RTN4IP1: variants seen among roughly 807,000 people sequenced by gnomAD.
RTN4IP1 encodes the protein NAD(P)H oxidoreductase RTN4IP1, mitochondrial.
RTN4IP1 carries 32 observed loss-of-function variants against 46.6 expected under a neutral mutation model. The observed-to-expected ratio is 0.69, with a 90% confidence interval of 0.52 to 0.92. The LOEUF (loss-of-function observed/expected upper bound fraction) is 0.92, where lower values mean the gene tolerates loss of function less well. Ranked by LOEUF, RTN4IP1 falls within the 40% of genes least tolerant of loss-of-function variation. The probability of loss-of-function intolerance (pLI) is 0.00; values close to 1 mark genes in which losing one functional copy is unlikely to be tolerated. For synonymous variants in RTN4IP1, 167 were observed against 161.8 expected (o/e 1.03, Z -0.24); for missense variants, 424 against 485.8 (o/e 0.87, Z 1.20).
chr6:106,576,333 C>A (rs780449775), intron 8 of RTN4IP1, among the ~76,000 whole-genome samples: 4 of 152,102 alleles, frequency 2.6e-5, no homozygotes, highest in Non-Finnish European at 5.9e-5. Flanking sequence ...CTAGGTACCC[C>A]TAAAAAATGC....
At chr6:106,617,874 T>C (rs1360966165) in intron 4 of RTN4IP1, among the ~76,000 whole-genome samples, 2 of 152,138 alleles carry the variant, frequency 1.3e-5, no homozygotes, top group African/African-American at 4.8e-5. Context: ...ATAAAACCAA[T>C]GCTGTTGCAG....
intron 8 of RTN4IP1, among the ~76,000 whole-genome samples, chr6:106,576,011 T>C (rs1329189981): frequency 6.6e-6 from 1 of 152,188 alleles, no homozygotes; most frequent in Admixed American, 6.5e-5. Flanking sequence ...CACACACCTG[T>C]GGACAGGCAC....
At chr6:106,580,354 A>G (rs1323625526) in intron 8 of RTN4IP1, among the ~76,000 whole-genome samples, 2 of 152,132 alleles carry the variant, frequency 1.3e-5, no homozygotes, top group East Asian at 3.9e-4. Flanking sequence ...GAAGGGGCCT[A>G]GAAGGTAGGC....
At chr6:106,596,324 C>T (rs986588745) in intron 5 of RTN4IP1, among the ~76,000 whole-genome samples, 4 of 152,058 alleles carry the variant, frequency 2.6e-5, no homozygotes, top group African/African-American at 9.7e-5. Flanking sequence ...TTTGAGACTA[C>T]AAAATCCCAG....
intron 1 of RTN4IP1, among the ~76,000 whole-genome samples, chr6:106,627,261 A>C (rs1236567103): frequency 6.6e-6 from 1 of 152,256 alleles, no homozygotes; most frequent in Non-Finnish European, 1.5e-5. Context: ...ATTAAACAGC[A>C]GCCAAGAAAA....
chr6:106,578,325 CA>C (rs1775277757), intron 8 of RTN4IP1, among the ~76,000 whole-genome samples: 3 of 152,194 alleles, frequency 2.0e-5, no homozygotes, highest in African/African-American at 7.2e-5. Context: ...TCTGTCCCTT[CA>C]AATGTGACAT....
intron 4 of RTN4IP1, among the ~76,000 whole-genome samples, chr6:106,608,982 T>C (rs1282133087): frequency 6.6e-6 from 1 of 152,208 alleles, no homozygotes; most frequent in East Asian, 1.9e-4. Context: ...TGAGACTCTG[T>C]TCCCCTAATT....
chr6:106,601,684 T>C (rs9372137), intron 5 of RTN4IP1, among the ~76,000 whole-genome samples: 141,351 of 152,256 alleles, frequency 0.93, 66,160 homozygotes, highest in Non-Finnish European at 1. Context: ...GATCTAGGCT[T>C]ACTGAAACCT....
At chr6:106,582,796 G>T (rs1332926888) in intron 8 of RTN4IP1, among the ~76,000 whole-genome samples, 2 of 152,082 alleles carry the variant, frequency 1.3e-5, no homozygotes, top group Non-Finnish European at 2.9e-5. Context: ...ATAAGCAACA[G>T]CCCCTTTCCC....
upstream of RTN4IP1, chr6:106,629,809 C>T: frequency 7.2e-7 from 1 of 1,393,358 alleles, no homozygotes; most frequent in Non-Finnish European, 9.9e-7. Flanking sequence ...GCCCACCTCG[C>T]TGCTTCCTCT....
At chr6:106,581,288 A>G (rs187877505) in intron 8 of RTN4IP1, among the ~76,000 whole-genome samples, 23 of 152,358 alleles carry the variant, frequency 1.5e-4, no homozygotes, top group African/African-American at 5.1e-4. Flanking sequence ...TTCACGATCA[A>G]AAAACAACTG....
intron 8 of RTN4IP1, among the ~76,000 whole-genome samples, chr6:106,576,833 G>A (rs1012947205): frequency 7.2e-5 from 11 of 152,202 alleles, no homozygotes; most frequent in Non-Finnish European, 1.6e-4. Context: ...CTCTATCACT[G>A]CACAAAGTTC....
At chr6:106,611,482 A>C (rs1306890517) in intron 4 of RTN4IP1, among the ~76,000 whole-genome samples, 2 of 152,204 alleles carry the variant, frequency 1.3e-5, no homozygotes. Flanking sequence ...AGTAGAAACA[A>C]ATGGTTTTAA....
At chr6:106,609,803 C>T (rs1776179324) in intron 4 of RTN4IP1, among the ~76,000 whole-genome samples, 1 of 152,180 alleles carries the variant, frequency 6.6e-6, no homozygotes, top group Non-Finnish European at 1.5e-5. Flanking sequence ...AACTTCATTC[C>T]CTCAAATAAA....
At chr6:106,606,044 T>C (rs1776065079) in intron 4 of RTN4IP1, among the ~76,000 whole-genome samples, 1 of 152,060 alleles carries the variant, frequency 6.6e-6, no homozygotes, top group Non-Finnish European at 1.5e-5. Flanking sequence ...GACATGATCT[T>C]ACATATAGAA....
intron 4 of RTN4IP1, among the ~76,000 whole-genome samples, chr6:106,606,160 G>A (rs1404645114): frequency 2.0e-5 from 3 of 152,208 alleles, no homozygotes; most frequent in African/African-American, 4.8e-5. Context: ...AGTGGCTCAC[G>A]CCTGTAATCC....
At chr6:106,598,921 T>TTA (rs1171918417) in intron 5 of RTN4IP1, among the ~76,000 whole-genome samples, 1 of 152,052 alleles carries the variant, frequency 6.6e-6, no homozygotes, top group African/African-American at 2.4e-5. Context: ...TTAAGGAGCA[T>TTA]TATGTGTTGT....
chr6:106,617,030 G>C (rs1776373950), intron 4 of RTN4IP1, among the ~76,000 whole-genome samples: 1 of 152,158 alleles, frequency 6.6e-6, no homozygotes, highest in Admixed American at 6.5e-5. Flanking sequence ...AGAGACCCCA[G>C]AGATATCCTC....
intron 4 of RTN4IP1, among the ~76,000 whole-genome samples, chr6:106,617,167 T>G (rs1776376975): frequency 1.3e-5 from 2 of 152,134 alleles, no homozygotes; most frequent in South Asian, 4.1e-4. Flanking sequence ...CTGTGAGAAA[T>G]AAATTTCTCT....
Sources: gnomAD v4.1 joint callset for allele counts (sites outside exome capture counted in the v4.1 genomes callset) on GRCh38, gnomAD v4.1.1 for gene constraint, MANE v1.5 for transcripts, NCBI Gene and HGNC (gene_info 2026-07-23, HGNC 2026-07-21) for gene names.